ITPR1: variants seen among roughly 807,000 people sequenced by gnomAD.
ITPR1 encodes the protein inositol 1,4,5-trisphosphate receptor type 1.
In ITPR1, 96 loss-of-function variants were observed where a neutral mutation model predicts 318.4. The observed-to-expected ratio is 0.30, with a 90% CI of 0.26 to 0.36. The LOEUF is 0.36. Among genes scored for constraint, ITPR1 ranks in the 10% least tolerant of loss-of-function variants. The probability of loss-of-function intolerance (pLI) is 1.00; values close to 1 mark genes in which losing one functional copy is unlikely to be tolerated. For synonymous variants in ITPR1, 1,312 were observed against 1,289.9 expected (o/e 1.02, Z -0.37); for missense variants, 2,440 against 3,460.2 (o/e 0.71, Z 7.40).
At position 4,787,940 on chromosome 3, in the gene ITPR1, A is replaced by T. The variant is rs984588790; in HGVS notation, c.6616-7A>T. 1.9e-6 allele frequency: 3 copies of T among 1,598,796 alleles called. No individual in the cohort carries two copies. The highest frequency in any genetic ancestry group is 1.7e-5 in the Admixed American group (1 of 58,304). ...AATATTTAATCTCATCCACTTTTTC[A>T]TCCTAGATTGTCAGATTAGACCGAA... is the stretch of plus-strand genomic sequence containing the variant. On this transcript the variant is annotated splice_region_variant and splice_polypyrimidine_tract_variant and intron_variant, in intron 51 of 61. Coordinates refer to ENST00000649015, the MANE Select transcript of ITPR1 (RefSeq NM_001378452.1).
At chr3:4,810,473 A>G (rs1450206721) in intron 55 of ITPR1, among the ~76,000 whole-genome samples, 6 of 152,218 alleles carry the variant, frequency 3.9e-5, no homozygotes, top group African/African-American at 1.4e-4. Flanking sequence ...AGCAGAGGGC[A>G]AGCCTGGATT....
chr3:4,754,050 G>A (rs865921021), intron 44 of ITPR1, among the ~76,000 whole-genome samples: 17 of 123,388 alleles, frequency 1.4e-4, no homozygotes, highest in Admixed American at 3.4e-4. Flanking sequence ...ACAGAAAATG[G>A]GGGGGGGGTG....
intron 4 of ITPR1, among the ~76,000 whole-genome samples, chr3:4,541,395 A>G (rs540467555): frequency 6.6e-6 from 1 of 152,208 alleles, no homozygotes; most frequent in South Asian, 2.1e-4. Flanking sequence ...TTCTGTCAGC[A>G]TCATTATTTT....
chr3:4,498,639 G>A (rs553676928), intron 2 of ITPR1, among the ~76,000 whole-genome samples: 3 of 152,310 alleles, frequency 2.0e-5, no homozygotes. Flanking sequence ...ATGGGAACTC[G>A]ATAGGGGGTA....
chr3:4,739,433 G>A (rs942744421), intron 44 of ITPR1, among the ~76,000 whole-genome samples: 3 of 152,184 alleles, frequency 2.0e-5, no homozygotes, highest in Non-Finnish European at 4.4e-5. Flanking sequence ...CAGGGAAGCA[G>A]GCAGGCCTAC....
rs1349747015 is a variant in ITPR1, at chr3:4,660,981, CT to C, written c.1152-6del. On this transcript the variant is annotated splice_region_variant and splice_polypyrimidine_tract_variant and intron_variant, in intron 13 of 61. Coordinates refer to ENST00000649015, the MANE Select transcript of ITPR1 (RefSeq NM_001378452.1). ...TTTCCCTAAAACCCTCCTTTTTTCC[CT>C]GTTAGGAACTCTTATGTTCGGCTCA... is the stretch of plus-strand genomic sequence containing the variant. 1.3e-6 allele frequency: 2 copies of C among 1,489,014 alleles called. No homozygotes were observed. The highest frequency in any genetic ancestry group is 1.9e-6 in the Non-Finnish European group (2 of 1,081,028). The allele number at this position is 1,489,014 out of a possible 1,614,324, so 92.2% of individuals were successfully genotyped here. A position where few individuals can be genotyped will look rare whatever the true frequency, so the allele number is the denominator to read the frequency against.
At chr3:4,753,545 T>C (rs1472919948) in intron 44 of ITPR1, among the ~76,000 whole-genome samples, 1 of 151,856 alleles carries the variant, frequency 6.6e-6, no homozygotes, top group African/African-American at 2.4e-5. Flanking sequence ...TGGGGAGACA[T>C]GAAGAGTCCC....
intron 16 of ITPR1, 69 bp from the exon 17 acceptor site, chr3:4,665,069 C>A (rs905398613): frequency 1.9e-6 from 3 of 1,551,112 alleles, no homozygotes; most frequent in African/African-American, 2.7e-5. Context: ...GCTTGCATTA[C>A]TTCCAAACAG....
chr3:4,645,193 T>C (rs1047429951), intron 8 of ITPR1, among the ~76,000 whole-genome samples, 194 bp from the exon 9 acceptor site: 3 of 152,178 alleles, frequency 2.0e-5, no homozygotes, highest in Non-Finnish European at 4.4e-5. Flanking sequence ...TTGGTGCAAA[T>C]GAACCATTTA....
chr3:4,794,282 C>A (rs78125894), intron 52 of ITPR1, among the ~76,000 whole-genome samples: 1 of 152,186 alleles, frequency 6.6e-6, no homozygotes, highest in African/African-American at 2.4e-5. Context: ...CGTGGGATAA[C>A]CTGTGGGCAG....
chr3:4,699,885 A>T lies in ITPR1; in HGVS notation c.4480A>T (p.Ser1494Cys). The stretch of plus-strand genomic sequence containing the variant: ...GAAGTATGTCACCGAAATCGTCATG[A>T]GTATTGTTACTACTTTCTTCAGCTC... The part of the protein sequence containing the change: ...LEKYVTEIVM[S>C]IVTTFFSSPF... The change falls in exon 35 of 62, where the codon AGT becomes TGT. Residue 1494 changes from serine (S) to cysteine (C), a missense_variant. Around this residue, in one of 23 missense-constraint regions of ITPR1, gnomAD observed 73 missense variants for 59.5 expected, o/e 1.23. Transcript: ENST00000649015. 1.2e-6 allele frequency: 2 copies of T among 1,613,708 alleles called. No individual in the cohort carries two copies. Among genetic ancestry groups the T allele is most frequent in the Non-Finnish European group, 8.5e-7 (1 of 1,179,658 alleles).
intron 52 of ITPR1, among the ~76,000 whole-genome samples, chr3:4,794,108 G>A (rs1184061263): frequency 6.6e-6 from 1 of 152,168 alleles, no homozygotes; most frequent in Non-Finnish European, 1.5e-5. Context: ...GAATGAGACT[G>A]TCTTTTGGAA....
intron 2 of ITPR1, among the ~76,000 whole-genome samples, chr3:4,513,074 C>T (rs1421827844): frequency 2.0e-5 from 3 of 152,160 alleles, no homozygotes; most frequent in African/African-American, 7.2e-5. Context: ...GCCCTGAGTG[C>T]AGCTGCTAGA....
At chr3:4,716,206 G>C (rs2041753081) in intron 39 of ITPR1, among the ~76,000 whole-genome samples, 1 of 152,102 alleles carries the variant, frequency 6.6e-6, no homozygotes, top group Admixed American at 6.5e-5. Flanking sequence ...AACCATGTCT[G>C]TGTTGAAAAG....
At chr3:4,662,351 G>T in intron 15 of ITPR1, 109 bp downstream of exon 15, 1 of 926,640 alleles carries the variant, frequency 1.1e-6, no homozygotes, top group Non-Finnish European at 1.5e-6. Flanking sequence ...ACATGGGGTA[G>T]CAGGCCTTAG....
At chr3:4,551,498 TTA>T in intron 4 of ITPR1, among the ~76,000 whole-genome samples, 1 of 152,202 alleles carries the variant, frequency 6.6e-6, no homozygotes, top group East Asian at 1.9e-4. Flanking sequence ...TCCATGCTTC[TTA>T]TCTAGAGAGA....
chr3:4,692,048 G>A (rs963431956), intron 32 of ITPR1, among the ~76,000 whole-genome samples: 9 of 151,786 alleles, frequency 5.9e-5, no homozygotes, highest in African/African-American at 1.7e-4. Context: ...CAGTTACAGA[G>A]GAAGATCCCT....
At chr3:4,640,894 A>G (rs1363979518) in intron 6 of ITPR1, among the ~76,000 whole-genome samples, 1 of 152,204 alleles carries the variant, frequency 6.6e-6, no homozygotes, top group African/African-American at 2.4e-5. Context: ...AGATGTGTGC[A>G]GGACCAGAGG....
At chr3:4,814,677 G>A (rs184700405) in intron 58 of ITPR1, 115 bp downstream of exon 58, 1 of 936,588 alleles carries the variant, frequency 1.1e-6, no homozygotes, top group Non-Finnish European at 1.6e-6. Flanking sequence ...GCTGGGAGTA[G>A]GGCTGAGTAG....
Sources: gnomAD v4.1 joint callset for allele counts (sites outside exome capture counted in the v4.1 genomes callset) on GRCh38, gnomAD v4.1.1 for gene constraint, gnomAD v4.1.1 regional missense constraint, MANE v1.5 for transcripts, NCBI Gene and HGNC (gene_info 2026-07-23, HGNC 2026-07-21) for gene names.